Variants in INPP4B observed in about 807,000 individuals in gnomAD.
The protein encoded by INPP4B is inositol polyphosphate 4-phosphatase type II.
Under a neutral mutation model 122.5 loss-of-function variants are expected in INPP4B, and 55 were observed. That is an observed-to-expected ratio of 0.45 (90% CI 0.36 to 0.56). The LOEUF is 0.56. Ranked by LOEUF, INPP4B falls within the 20% of genes least tolerant of loss-of-function variation. The pLI, the probability that INPP4B is intolerant of heterozygous loss-of-function variation, is 0.00. For synonymous variants in INPP4B, 403 were observed against 388.7 expected, an observed-to-expected ratio of 1.04 and a Z score of -0.43; for missense variants, 1,000 against 1,097.7, an observed-to-expected ratio of 0.91 and a Z score of 1.26.
chr4:142,818,293 T>C (rs367836869), intron 1 of INPP4B, among the ~76,000 whole-genome samples: 3 of 152,306 alleles, frequency 2.0e-5, no homozygotes, highest in South Asian at 2.1e-4. Context: ...CACTCCTTCA[T>C]TGAGAAATGC....
chr4:142,803,171 C>CAA lies in INPP4B; in HGVS notation c.-254+43036_-254+43037dup, dbSNP rs574677089. Among the ~76,000 whole-genome samples the CAA allele has an allele frequency of 7.7e-3, 627 of 81,880 alleles. 7 individuals are homozygous for CAA. The highest frequency in any genetic ancestry group is 0.027 in the African/African-American group (594 of 21,722). The allele number at this position is 81,880 out of a possible 152,430, so 53.7% of individuals were successfully genotyped here. On this transcript the variant is annotated intron_variant, in intron 1 of 25. Coordinates refer to ENST00000262992, the MANE Select transcript of INPP4B (RefSeq NM_001101669.3). The stretch of plus-strand genomic sequence containing the variant: ...TAGGCAACAGAGTGAGACTACGTCT[C>CAA]AAAAAAAAAAAAAAAGAAAGAAAGA...
At position 142,212,008 on chromosome 4, in the gene INPP4B, T is replaced by G. The variant is rs3756118; in HGVS notation, c.837-2982A>C. ...TACCTGAGGCTCACCATTGAGCAAG[T>G]GGTCAAAAATGTGAAGACATGTTAG... On this transcript the variant is annotated intron_variant, in intron 12 of 25. Coordinates refer to ENST00000262992, the MANE Select transcript of INPP4B (RefSeq NM_001101669.3). Among the ~76,000 whole-genome samples the G allele has an allele frequency of 4.1e-3, 629 of 152,174 alleles. 33 individuals carry two copies. The East Asian group carries it at 0.1, about 25-fold the overall frequency.
intron 11 of INPP4B, among the ~76,000 whole-genome samples, chr4:142,254,999 G>A (rs1418948599): frequency 6.6e-6 from 1 of 152,086 alleles, no homozygotes; most frequent in Admixed American, 6.5e-5. Context: ...GACTAACAGC[G>A]GCTCTCTCGG....
intron 2 of INPP4B, among the ~76,000 whole-genome samples, chr4:142,589,318 A>T (rs1458235737): frequency 1.3e-5 from 2 of 152,062 alleles, no homozygotes. Flanking sequence ...AAAATCAAAA[A>T]CTTCCTCTGC....
rs550469688 is a variant in INPP4B at position 142,617,650 on chromosome 4, G to A, written c.-191+108189C>T. ...TAAACAACGAGCTGGCATTATCCTA[G>A]GCACTGTCTGTCTGCTTCCCAAGCA... is the stretch of plus-strand genomic sequence containing the variant. On this transcript the variant is annotated intron_variant, in intron 2 of 25. Coordinates refer to ENST00000262992, the MANE Select transcript of INPP4B (RefSeq NM_001101669.3). 2.7e-4 allele frequency among the ~76,000 whole-genome samples: 41 copies of A among 152,200 alleles called. 1 individual carries two copies. In the South Asian group the frequency reaches 6.4e-3, roughly 24 times the overall value.
chr4:142,614,859 C>G (rs1220148049), intron 2 of INPP4B, among the ~76,000 whole-genome samples: 1 of 152,018 alleles, frequency 6.6e-6, no homozygotes, highest in Non-Finnish European at 1.5e-5. Flanking sequence ...TTACCCTAGT[C>G]AGAATGACTA....
chr4:142,798,168 A>G (rs1777527128), intron 1 of INPP4B, among the ~76,000 whole-genome samples: 1 of 151,938 alleles, frequency 6.6e-6, no homozygotes, highest in African/African-American at 2.4e-5. Flanking sequence ...CAAAGGAAGG[A>G]CAGGAGAGGG....
At chr4:142,497,816 A>C (rs1822788507) in intron 2 of INPP4B, among the ~76,000 whole-genome samples, 1 of 152,174 alleles carries the variant, frequency 6.6e-6, no homozygotes, top group Non-Finnish European at 1.5e-5. Flanking sequence ...CACCTGCAAA[A>C]TGCCATGGCT....
chr4:142,599,507 A>C (rs1157421546), intron 2 of INPP4B, among the ~76,000 whole-genome samples: 1 of 152,154 alleles, frequency 6.6e-6, no homozygotes, highest in African/African-American at 2.4e-5. Context: ...AAACAACACA[A>C]TTTTTAGAAC....
At chr4:142,271,111 G>T (rs1745607642) in intron 9 of INPP4B, among the ~76,000 whole-genome samples, 1 of 146,348 alleles carries the variant, frequency 6.8e-6, no homozygotes, top group African/African-American at 2.5e-5. Flanking sequence ...TTACAGGCAT[G>T]TGCCACCATG....
rs528906545 is a variant in INPP4B at position 142,401,659 on chromosome 4, G to A, written c.372+1279C>T. 7.9e-5 allele frequency among the ~76,000 whole-genome samples: 12 copies of A among 152,156 alleles called. No homozygotes were observed. The East Asian group carries it at 1.7e-3, about 22-fold the overall frequency. Reference sequence around the variant, plus strand: ...TCTGTAACAGTCAGTAACACTTTACGTATATTAATTAATTTAATCCTTACA... The same window carrying A: ...TCTGTAACAGTCAGTAACACTTTACATATATTAATTAATTTAATCCTTACA... On this transcript the variant is annotated intron_variant, in intron 7 of 25. Coordinates refer to ENST00000262992, the MANE Select transcript of INPP4B (RefSeq NM_001101669.3).
intron 5 of INPP4B, among the ~76,000 whole-genome samples, chr4:142,412,336 CTTTT>C (rs756831104): frequency 6.6e-6 from 1 of 151,940 alleles, no homozygotes; most frequent in Non-Finnish European, 1.5e-5. Context: ...TCTCCTTTGC[CTTTT>C]TTTGTTTTTT....
chr4:142,365,010 G>T (rs1477499786), intron 7 of INPP4B, among the ~76,000 whole-genome samples: 1 of 152,098 alleles, frequency 6.6e-6, no homozygotes, highest in Non-Finnish European at 1.5e-5. Context: ...CCCAAGTGAG[G>T]TAAGAATAGG....
intron 9 of INPP4B, among the ~76,000 whole-genome samples, chr4:142,272,914 A>T (rs1287573040): frequency 6.6e-6 from 1 of 152,048 alleles, no homozygotes; most frequent in Non-Finnish European, 1.5e-5. Flanking sequence ...AAGTTAGCTT[A>T]ATTGCTAGAA....
intron 17 of INPP4B, among the ~76,000 whole-genome samples, chr4:142,157,527 A>G (rs1817873299): frequency 6.6e-6 from 1 of 152,168 alleles, no homozygotes; most frequent in African/African-American, 2.4e-5. Context: ...CAATGAGTTC[A>G]GAAGGAGGCT....
intron 17 of INPP4B, among the ~76,000 whole-genome samples, chr4:142,152,761 G>A (rs1318073028): frequency 6.6e-6 from 1 of 152,012 alleles, no homozygotes; most frequent in Non-Finnish European, 1.5e-5. Context: ...CACTTGGCTT[G>A]GCATTTTTAA....
At chr4:142,256,717 C>T (rs1217369830) in intron 11 of INPP4B, among the ~76,000 whole-genome samples, 3 of 152,150 alleles carry the variant, frequency 2.0e-5, no homozygotes, top group African/African-American at 7.2e-5. Context: ...TAATCAATAG[C>T]TTACCAACCA....
chr4:142,654,365 T>C (rs1342400203), intron 2 of INPP4B: 1 of 25,292 alleles, frequency 4.0e-5, no homozygotes, highest in African/African-American at 1.5e-4. Context: ...GAACTTAAAG[T>C]ATAAAAAAAA....
At chr4:142,245,486 G>C (rs1727513949) in intron 11 of INPP4B, among the ~76,000 whole-genome samples, 1 of 152,024 alleles carries the variant, frequency 6.6e-6, no homozygotes, top group South Asian at 2.1e-4. Flanking sequence ...TTTCCCCATT[G>C]CCAGTATTTT....
Sources: allele counts gnomAD v4.1 joint callset (sites outside exome capture counted in the v4.1 genomes callset), GRCh38; gene constraint gnomAD v4.1.1; transcripts MANE v1.5; gene names NCBI Gene and HGNC (gene_info 2026-07-23, HGNC 2026-07-21).